Variants in CDRT4 observed in about 807,000 individuals in gnomAD.
CDRT4 encodes the protein CMT1A duplicated region transcript 4 protein.
For missense variants in CDRT4, 167 were observed against 193.1 expected, an observed-to-expected ratio of 0.87 and a Z score of 0.80; for synonymous variants, 64 against 69.6, an observed-to-expected ratio of 0.92 and a Z score of 0.40.
chr17:15,441,262 G>T (rs1055137215), intron 2 of CDRT4, among the ~76,000 whole-genome samples: 4 of 152,168 alleles, frequency 2.6e-5, no homozygotes, highest in Admixed American at 6.5e-5. Context: ...AGAACCATGG[G>T]TCGAAGGCAG....
At chr17:15,442,711 G>A (rs893333345) in intron 2 of CDRT4, among the ~76,000 whole-genome samples, 1 of 152,154 alleles carries the variant, frequency 6.6e-6, no homozygotes, top group Non-Finnish European at 1.5e-5. Flanking sequence ...ACAAGTCTAC[G>A]AATGGTGGGT....
Position 15,437,483 on chromosome 17 carries a change from G to A in CDRT4, c.*290C>T, listed in dbSNP as rs1369750196. On this transcript the variant is annotated 3_prime_UTR_variant, in exon 4 of 4. Coordinates refer to ENST00000619038, the MANE Select transcript of CDRT4 (RefSeq NM_001204477.2). ...TTGTGTGATTTCTGTCTCCTGCCTG[G>A]ACCCAGACAAATCACCCACATTTTG... The A allele has an allele frequency of 2.1e-6, 1 of 475,082 alleles. No individual in the cohort carries two copies. The highest frequency in any genetic ancestry group is 3.8e-6 in the Non-Finnish European group (1 of 266,510). 29.4% of individuals were successfully genotyped at this position (475,082 alleles called of 1,614,324 possible).
Position 15,436,067 on chromosome 17 carries a change from C to T in CDRT4, c.*1706G>A, listed in dbSNP as rs1311955803. ...CCTGCCTCCATGTCTATAAACGTTC[C>T]ATGGACACAAAATACAATCATTCAA... On this transcript the variant is annotated 3_prime_UTR_variant, in exon 4 of 4. Transcript: ENST00000619038. The T allele has an allele frequency of 6.6e-6, 1 of 152,058 alleles. No individual in the cohort carries two copies. Among genetic ancestry groups the T allele is most frequent in the African/African-American group, 2.4e-5 (1 of 41,376 alleles). The allele number at this position is 152,058 out of a possible 1,614,324, so 9.4% of individuals were successfully genotyped here. A position where few individuals can be genotyped will look rare whatever the true frequency, so the allele number is the denominator to read the frequency against.
intron 3 of CDRT4, chr17:15,439,286 G>T: frequency 2.4e-6 from 1 of 416,010 alleles, no homozygotes; most frequent in Non-Finnish European, 4.7e-6. Context: ...AAAAAAAAAT[G>T]CCGTAAATGG....
chr17:15,464,787 C>T lies in CDRT4; in HGVS notation c.-130+2673G>A, dbSNP rs1322494447. Among the ~76,000 whole-genome samples, 9 of 152,184 alleles carry T rather than the reference C, an allele frequency of 5.9e-5. No individual in the cohort carries two copies. Among genetic ancestry groups the T allele is most frequent in the Admixed American group, 5.9e-4 (9 of 15,276 alleles). On this transcript the variant is annotated intron_variant, in intron 1 of 3. Transcript: ENST00000619038. This position sits in a 1 kb window ranked among gnomAD's most constrained non-coding sequence, Gnocchi z 4.5. ...TGCCAAAATCCCCCAGCGAATGGCC[C>T]ATACCAGCGGTTGCTCTTTCACTCA...
At position 15,464,183 on chromosome 17, in the gene CDRT4, G is replaced by T. The variant is rs1358704978; in HGVS notation, c.-130+3277C>A. ...TGGCCGCGTTTTTCTCTGGTGATGTGTCACTGAGCTTGGGGATAGGGCCAG... is the reference window on the plus strand; with the variant it reads ...TGGCCGCGTTTTTCTCTGGTGATGTTTCACTGAGCTTGGGGATAGGGCCAG... On this transcript the variant is annotated intron_variant, in intron 1 of 3. Transcript: ENST00000619038. The surrounding 1 kb of genome is among the most constrained non-coding windows in gnomAD (Gnocchi z 4.5). Among the ~76,000 whole-genome samples the T allele has an allele frequency of 6.6e-6, 1 of 152,084 alleles. No individual in the cohort carries two copies. The highest frequency in any genetic ancestry group is 1.9e-4 in the East Asian group (1 of 5,170).
At chr17:15,459,014 A>G (rs1042318563) in intron 1 of CDRT4, among the ~76,000 whole-genome samples, 9 of 152,196 alleles carry the variant, frequency 5.9e-5, no homozygotes, top group African/African-American at 1.9e-4. Context: ...ACTTGGTAAT[A>G]AAGAAAATCT....
chr17:15,458,127 G>A (rs969307914), intron 1 of CDRT4, among the ~76,000 whole-genome samples: 5 of 152,308 alleles, frequency 3.3e-5, no homozygotes, highest in African/African-American at 2.4e-5. Context: ...TGTGGCCACC[G>A]ACATTCATTT....
At chr17:15,443,817 GA>G in intron 2 of CDRT4, 1 of 550,162 alleles carries the variant, frequency 1.8e-6, no homozygotes. Flanking sequence ...TGGGGTAACG[GA>G]AAGGAACTGC....
intron 3 of CDRT4, 104 bp downstream of exon 3, chr17:15,440,104 A>G: frequency 9.5e-7 from 1 of 1,048,908 alleles, no homozygotes; most frequent in Non-Finnish European, 1.3e-6. Context: ...TATATATTAA[A>G]AAAAAAAAAG....
chr17:15,460,782 T>C lies in CDRT4; in HGVS notation c.-130+6678A>G, dbSNP rs181229411. ...CAACACAAACATCCCTTTCCAAGGG[T>C]TTCCTCAGAGCCCTTGGGATGAAAT... On this transcript the variant is annotated intron_variant, in intron 1 of 3. Coordinates refer to ENST00000619038, the MANE Select transcript of CDRT4 (RefSeq NM_001204477.2). 1.8e-4 allele frequency among the ~76,000 whole-genome samples: 27 copies of C among 152,036 alleles called. No individual in the cohort carries two copies. In the East Asian group the frequency reaches 5.2e-3, roughly 29 times the overall value.
At chr17:15,455,523 TAATAAACAG>T (rs1020358001) in intron 1 of CDRT4, among the ~76,000 whole-genome samples, 5 of 152,212 alleles carry the variant, frequency 3.3e-5, no homozygotes, top group African/African-American at 1.2e-4. Flanking sequence ...GACTCACTTC[TAATAAACAG>T]AATATGGTCT....
chr17:15,467,080 G>C (rs1980076271), intron 1 of CDRT4, among the ~76,000 whole-genome samples: 2 of 152,162 alleles, frequency 1.3e-5, no homozygotes, highest in South Asian at 2.1e-4. Context: ...GGGGGAACGG[G>C]GGTATATTTT....
At chr17:15,457,512 C>T (rs1437802123) in intron 1 of CDRT4, among the ~76,000 whole-genome samples, 1 of 152,230 alleles carries the variant, frequency 6.6e-6, no homozygotes, top group Admixed American at 6.5e-5. Context: ...GCAGAAGGTG[C>T]CCAGATGGGC....
At chr17:15,456,060 G>A (rs1244793623) in intron 1 of CDRT4, among the ~76,000 whole-genome samples, 3 of 152,130 alleles carry the variant, frequency 2.0e-5, no homozygotes, top group Non-Finnish European at 2.9e-5. Context: ...GACAGAGAAG[G>A]ACTTCTACTC....
rs1011136348 is a variant in CDRT4, at chr17:15,444,148, T to C, written c.-47-3863A>G. 7.1e-6 allele frequency: 9 copies of C among 1,267,654 alleles called. No homozygotes were observed. The African/African-American group carries it at 1.2e-4, about 16-fold the overall frequency. The allele number at this position is 1,267,654 out of a possible 1,614,324, so 78.5% of individuals were successfully genotyped here. A position where few individuals can be genotyped will look rare whatever the true frequency, so the allele number is the denominator to read the frequency against. ...GCAATCAGGAAATTTTTGGATGGTA[T>C]ATATGTCTCTGAAAAAGGAACTGTT... is the stretch of plus-strand genomic sequence containing the variant. On this transcript the variant is annotated intron_variant, in intron 2 of 3. Coordinates refer to ENST00000619038, the MANE Select transcript of CDRT4 (RefSeq NM_001204477.2).
At chr17:15,467,089 TTGTG>T (rs906046702) in intron 1 of CDRT4, among the ~76,000 whole-genome samples, 8 of 152,142 alleles carry the variant, frequency 5.3e-5, no homozygotes, top group Non-Finnish European at 1.2e-4. Context: ...GGGGTATATT[TTGTG>T]TGTGTGTGTT....
At chr17:15,441,501 C>T (rs1978756744) in intron 2 of CDRT4, among the ~76,000 whole-genome samples, 1 of 152,094 alleles carries the variant, frequency 6.6e-6, no homozygotes, top group Non-Finnish European at 1.5e-5. Flanking sequence ...TTATCAGCTG[C>T]CACGTACGTG....
chr17:15,449,077 G>T (rs2150790772), intron 2 of CDRT4, among the ~76,000 whole-genome samples: 1 of 152,258 alleles, frequency 6.6e-6, no homozygotes, highest in Non-Finnish European at 1.5e-5. Flanking sequence ...ACACATATTT[G>T]CATGGCAAAG....
Sources: gnomAD v4.1 joint callset for allele counts (sites outside exome capture counted in the v4.1 genomes callset) on GRCh38, gnomAD v4.1.1 for gene constraint, Gnocchi (gnomAD v3.1) non-coding constraint, MANE v1.5 for transcripts, NCBI Gene and HGNC (gene_info 2026-07-23, HGNC 2026-07-21) for gene names.